DCC: variants seen among roughly 807,000 people sequenced by gnomAD.
DCC encodes netrin receptor DCC.
In DCC, 58 loss-of-function variants were observed where a neutral mutation model predicts 172.5. The ratio of observed to expected loss-of-function variants is 0.34; its 90% CI spans 0.27 to 0.42. The LOEUF (loss-of-function observed/expected upper bound fraction) is 0.42. Ranked by LOEUF, DCC falls within the 10% of genes least tolerant of loss-of-function variation. The pLI, the probability that DCC is intolerant of heterozygous loss-of-function variation, is 1.00. For missense variants in DCC, 1,740 were observed against 1,791.0 expected (o/e 0.97, Z 0.51); for synonymous variants, 709 against 644.5 (o/e 1.10, Z -1.52).
At chr18:52,738,391 T>A (rs570934687) in intron 1 of DCC, among the ~76,000 whole-genome samples, 15 of 152,328 alleles carry the variant, frequency 9.8e-5, no homozygotes, top group African/African-American at 2.9e-4. Context: ...CTGTACAGCA[T>A]GTTATTGTAC....
At chr18:53,464,977 CTCAAAAAAAAAAA>C (rs2045601580) in intron 24 of DCC, among the ~76,000 whole-genome samples, 2 of 63,918 alleles carry the variant, frequency 3.1e-5, no homozygotes, top group African/African-American at 1.7e-4. Flanking sequence ...AAAACTCAAT[CTCAAAAAAAAAAA>C]AAAAAAAAAA....
chr18:53,486,824 C>A lies in DCC; in HGVS notation c.3764C>A (p.Thr1255Lys), dbSNP rs775848107. ...GTCGTGAGCGCCATCCCGGTGCCAACGCTAGAAAGTGCCCAGTACCCAGGA... is the reference window on the plus strand; with the variant it reads ...GTCGTGAGCGCCATCCCGGTGCCAAAGCTAGAAAGTGCCCAGTACCCAGGA... ...PAVVSAIPVP[T>K]LESAQYPGIL... The change falls in exon 26 of 29, where the codon ACG becomes AAG. Residue 1255 changes from threonine (T) to lysine (K), a missense_variant. Coordinates refer to ENST00000442544, the MANE Select transcript of DCC (RefSeq NM_005215.4). 6.2e-7 allele frequency: 1 copy of A among 1,614,106 alleles called. No homozygotes were observed. The highest frequency in any genetic ancestry group is 8.5e-7 in the Non-Finnish European group (1 of 1,180,028).
intron 12 of DCC, among the ~76,000 whole-genome samples, chr18:53,265,001 C>T (rs188701623): frequency 6.6e-6 from 1 of 152,226 alleles, no homozygotes; most frequent in Admixed American, 6.5e-5. Context: ...GAGTGTTTTC[C>T]TGTTCACATA....
chr18:52,540,002 T>C (rs935924968), intron 1 of DCC, among the ~76,000 whole-genome samples: 2 of 152,206 alleles, frequency 1.3e-5, no homozygotes, highest in Non-Finnish European at 2.9e-5. Context: ...ATTCATGTTT[T>C]TCTGGTTGTG....
chr18:52,942,610 AAGAG>A (rs1234111419), intron 5 of DCC, among the ~76,000 whole-genome samples: 1 of 152,188 alleles, frequency 6.6e-6, no homozygotes, highest in Admixed American at 6.5e-5. Flanking sequence ...GCAAAAGAGA[AAGAG>A]AGATGCAAAA....
chr18:52,865,954 G>A (rs1033445226), intron 2 of DCC, among the ~76,000 whole-genome samples: 1 of 152,176 alleles, frequency 6.6e-6, no homozygotes, highest in African/African-American at 2.4e-5. Flanking sequence ...TGGTGGTTAT[G>A]AAGTCTTTGC....
chr18:52,768,219 T>C (rs914345385), intron 2 of DCC, among the ~76,000 whole-genome samples: 2 of 152,192 alleles, frequency 1.3e-5, no homozygotes, highest in East Asian at 3.8e-4. Context: ...TGGCTTGACA[T>C]TTAGAGTGTA....
chr18:53,309,509 A>C (rs976740039), intron 13 of DCC, among the ~76,000 whole-genome samples: 7 of 152,286 alleles, frequency 4.6e-5, no homozygotes, highest in African/African-American at 1.7e-4. Context: ...TCAAACTACT[A>C]TAGACTCCTT....
chr18:52,532,005 T>G (rs2032164468), intron 1 of DCC, among the ~76,000 whole-genome samples: 1 of 152,190 alleles, frequency 6.6e-6, no homozygotes, highest in African/African-American at 2.4e-5. Flanking sequence ...CTCCTCTCTT[T>G]CCTTTGCACA....
chr18:53,269,799 C>T (rs1365893165), intron 12 of DCC, among the ~76,000 whole-genome samples: 1 of 152,068 alleles, frequency 6.6e-6, no homozygotes, highest in Non-Finnish European at 1.5e-5. Flanking sequence ...TCTGGTTGCT[C>T]TAGAGTCAGT....
chr18:52,778,141 G>T (rs1599100298), intron 2 of DCC, among the ~76,000 whole-genome samples: 2 of 152,144 alleles, frequency 1.3e-5, no homozygotes, highest in East Asian at 3.9e-4. Flanking sequence ...GTCTAAAGTT[G>T]AAAAACTTAA....
At chr18:53,285,639 G>T (rs533942595) in intron 12 of DCC, among the ~76,000 whole-genome samples, 1 of 152,232 alleles carries the variant, frequency 6.6e-6, no homozygotes, top group Non-Finnish European at 1.5e-5. Context: ...CCCTGCTGGG[G>T]CACTGCCTAG....
chr18:52,556,150 A>G (rs970572641), intron 1 of DCC, among the ~76,000 whole-genome samples: 2 of 152,156 alleles, frequency 1.3e-5, no homozygotes, highest in African/African-American at 4.8e-5. Context: ...TACCAATCCT[A>G]TACATTCCTC....
At chr18:52,897,007 G>C (rs896317613) in intron 2 of DCC, among the ~76,000 whole-genome samples, 1 of 152,140 alleles carries the variant, frequency 6.6e-6, no homozygotes, top group Non-Finnish European at 1.5e-5. Context: ...GGATGATTCC[G>C]GAGAATCCTG....
chr18:52,488,676 T>C (rs527298779), intron 1 of DCC, among the ~76,000 whole-genome samples: 2 of 152,268 alleles, frequency 1.3e-5, no homozygotes, highest in African/African-American at 4.8e-5. Context: ...TCTCACCCCA[T>C]AGACACCAAG....
intron 7 of DCC, among the ~76,000 whole-genome samples, chr18:53,156,376 C>T (rs886317866): frequency 9.9e-5 from 15 of 151,694 alleles, no homozygotes; most frequent in Middle Eastern, 3.4e-3. Flanking sequence ...CCCAGCTACT[C>T]GGGAGCCTGA....
intron 1 of DCC, among the ~76,000 whole-genome samples, chr18:52,720,109 C>T (rs919323255): frequency 2.0e-5 from 3 of 152,082 alleles, no homozygotes; most frequent in African/African-American, 7.2e-5. Flanking sequence ...GGAGCAGAGA[C>T]CCTGGTGCCA....
At chr18:52,795,736 T>G (rs568919350) in intron 2 of DCC, among the ~76,000 whole-genome samples, 4 of 152,188 alleles carry the variant, frequency 2.6e-5, no homozygotes, top group African/African-American at 9.6e-5. Flanking sequence ...TTTATTGCTA[T>G]AAACTTCCTT....
At chr18:53,012,182 C>A (rs4940234) in intron 5 of DCC, among the ~76,000 whole-genome samples, 109,706 of 151,668 alleles carry the variant, frequency 0.72, 39,820 homozygotes, top group East Asian at 0.74. Flanking sequence ...AATTCTACTT[C>A]TAGGTATATA....
Sources: allele counts gnomAD v4.1 joint callset (sites outside exome capture counted in the v4.1 genomes callset), GRCh38; gene constraint gnomAD v4.1.1; transcripts MANE v1.5; gene names NCBI Gene and HGNC (gene_info 2026-07-23, HGNC 2026-07-21).